FHAD1: variants seen among roughly 807,000 people sequenced by gnomAD.
FHAD1 encodes the protein forkhead associated phosphopeptide binding domain 1.
A neutral mutation model predicts 191.3 loss-of-function variants in FHAD1; 146 were observed. That is an observed-to-expected ratio of 0.76 (90% CI 0.67 to 0.88). FHAD1 has a LOEUF of 0.88. Ranked by LOEUF, FHAD1 falls within the 40% of genes least tolerant of loss-of-function variation. FHAD1 has a pLI of 0.00. For synonymous variants in FHAD1, 616 were observed against 672.3 expected, an observed-to-expected ratio of 0.92 and a Z score of 1.29; for missense variants, 1,635 against 1,785.8, an observed-to-expected ratio of 0.92 and a Z score of 1.52.
intron 14 of FHAD1, among the ~76,000 whole-genome samples, chr1:15,337,403 C>T (rs138999315): frequency 4.6e-5 from 7 of 152,330 alleles, no homozygotes; most frequent in African/African-American, 1.7e-4. Flanking sequence ...CTCTCATCCT[C>T]ACTTCTCCCA....
upstream of FHAD1, among the ~76,000 whole-genome samples, chr1:15,242,949 G>A (rs1281578910): frequency 6.6e-6 from 1 of 152,170 alleles, no homozygotes; most frequent in East Asian, 1.9e-4. Context: ...TTTTACAGGT[G>A]AGGGAAGTGA....
chr1:15,370,739 G>A (rs996276608), intron 26 of FHAD1, among the ~76,000 whole-genome samples: 5 of 152,150 alleles, frequency 3.3e-5, no homozygotes, highest in African/African-American at 2.4e-5. Context: ...CCGATGATCC[G>A]CAGCATGCAA....
upstream of FHAD1, among the ~76,000 whole-genome samples, chr1:15,246,875 C>T (rs879728620): frequency 3.3e-5 from 5 of 152,098 alleles, no homozygotes; most frequent in African/African-American, 4.8e-5. Flanking sequence ...TTGGGTAGGG[C>T]AGGGGGCATA....
chr1:15,398,258 C>T lies in FHAD1; in HGVS notation c.*845C>T. 7.8e-6 allele frequency: 1 copy of T among 128,284 alleles called. No individual in the cohort carries two copies. Among genetic ancestry groups the T allele is most frequent in the Admixed American group, 9.0e-5 (1 of 11,088 alleles). The allele number at this position is 128,284 out of a possible 1,614,324, so 7.9% of individuals were successfully genotyped here. A position where few individuals can be genotyped will look rare whatever the true frequency, so the allele number is the denominator to read the frequency against. On this transcript the variant is annotated 3_prime_UTR_variant, in exon 34 of 34. Transcript: ENST00000688493. ...CACAACTGCACTCTAGCCTGAGTGA[C>T]AGAGCAAGACTCCATCTCAAAAAAA... is the stretch of plus-strand genomic sequence containing the variant.
Position 15,289,324 on chromosome 1 carries a change from G to C in FHAD1, c.301-75G>C. 6.7e-7 allele frequency: 1 copy of C among 1,499,158 alleles called. No individual in the cohort carries two copies. Among genetic ancestry groups the C allele is most frequent in the African/African-American group, 1.4e-5 (1 of 72,018 alleles). 92.9% of individuals were successfully genotyped at this position (1,499,158 alleles called of 1,614,324 possible). A position where few individuals can be genotyped will look rare whatever the true frequency, so the allele number is the denominator to read the frequency against. On this transcript the variant is annotated intron_variant, in intron 3 of 33. Coordinates refer to ENST00000688493, the MANE Select transcript of FHAD1 (RefSeq NM_001391957.1). The surrounding 1 kb of genome is among the most constrained non-coding windows in gnomAD (Gnocchi z 4.2). ...ATAAACCAAGACCTTGGGCAGCAAT[G>C]CTGTGGCTGGGACAAAGAAATGGAG...
chr1:15,357,088 G>A (rs1693048906), intron 20 of FHAD1, among the ~76,000 whole-genome samples: 1 of 152,112 alleles, frequency 6.6e-6, no homozygotes, highest in African/African-American at 2.4e-5. Flanking sequence ...TCCCTAAAGT[G>A]GAGTTGCTGA....
In FHAD1 at chr1:15,276,599, A is replaced by G. The variant is rs760637484; in HGVS notation, c.300+4070A>G. ...GAGGATCGCTTGAGGCCAGGAGTTC[A>G]AGACCAGCCTGGCCAACATAGTGAA... is the stretch of plus-strand genomic sequence containing the variant. On this transcript the variant is annotated intron_variant, in intron 3 of 33. Transcript: ENST00000688493. This position sits in a 1 kb window ranked among gnomAD's most constrained non-coding sequence, Gnocchi z 4.7. 7.2e-5 allele frequency among the ~76,000 whole-genome samples: 11 copies of G among 152,160 alleles called. No homozygotes were observed. Among genetic ancestry groups the G allele is most frequent in the Non-Finnish European group, 1.5e-4 (10 of 68,014 alleles).
At chr1:15,393,637 C>G (rs1177923406) in intron 33 of FHAD1, among the ~76,000 whole-genome samples, 2 of 150,892 alleles carry the variant, frequency 1.3e-5, no homozygotes, top group Admixed American at 1.3e-4. Flanking sequence ...GTGTCTTGCT[C>G]TGTGGTCCAG....
intron 2 of FHAD1, among the ~76,000 whole-genome samples, chr1:15,270,675 G>C (rs964248605): frequency 4.6e-5 from 7 of 152,190 alleles, no homozygotes. Context: ...AGGGCACCCT[G>C]AGAAGATAAA....
downstream of FHAD1, among the ~76,000 whole-genome samples, chr1:15,398,731 C>T (rs1258454656): frequency 6.6e-6 from 1 of 151,842 alleles, no homozygotes; most frequent in Non-Finnish European, 1.5e-5. Flanking sequence ...CCAAGTTCTG[C>T]CTTCTCTCCA....
At position 15,328,442 on chromosome 1, in the gene FHAD1, T is replaced by G. The variant is rs72864874; in HGVS notation, c.1710+13T>G. 3.9e-4 allele frequency: 562 copies of G among 1,458,500 alleles called. 4 individuals carry two copies. The African/African-American group carries it at 7.1e-3, about 19-fold the overall frequency. The allele number at this position is 1,458,500 out of a possible 1,614,324, so 90.3% of individuals were successfully genotyped here. The stretch of plus-strand genomic sequence containing the variant: ...GGACAGCTGCCAGGTGGCCCCTCCT[T>G]ACGCTTTCCACAAATGGTCTCTTTG... On this transcript the variant is annotated intron_variant, in intron 13 of 33. Coordinates refer to ENST00000688493, the MANE Select transcript of FHAD1 (RefSeq NM_001391957.1).
chr1:15,263,345 G>A (rs1229927789), intron 2 of FHAD1, among the ~76,000 whole-genome samples: 1 of 151,792 alleles, frequency 6.6e-6, no homozygotes, highest in Non-Finnish European at 1.5e-5. Context: ...TGTTGCCTGT[G>A]TTCTTGGTGT....
chr1:15,325,851 GCTCCCT>G lies in FHAD1; in HGVS notation c.1474-1207_1474-1202del, dbSNP rs1678330530. ...CCCTCTCCTGTATCTCCAAGGCCCT[GCTCCCT>G]GTCCAATAGTCTGCCCTTCCCCAGC... On this transcript the variant is annotated intron_variant, in intron 11 of 33. Transcript: ENST00000688493. This position sits in a 1 kb window ranked among gnomAD's most constrained non-coding sequence, Gnocchi z 4.6. The G allele has an allele frequency of 6.5e-6, 1 of 152,986 alleles. No homozygotes were observed. Among genetic ancestry groups the G allele is most frequent in the Non-Finnish European group, 1.5e-5 (1 of 68,656 alleles). 9.5% of individuals were successfully genotyped at this position (152,986 alleles called of 1,614,324 possible).
chr1:15,294,335 G>C (rs999995084), intron 4 of FHAD1, among the ~76,000 whole-genome samples: 6 of 152,178 alleles, frequency 3.9e-5, no homozygotes, highest in Admixed American at 2.0e-4. Flanking sequence ...TCTAGGTCAG[G>C]GTTTCTCAAT....
chr1:15,373,547 G>A (rs878993360), intron 26 of FHAD1, among the ~76,000 whole-genome samples: 3 of 151,104 alleles, frequency 2.0e-5, no homozygotes, highest in Admixed American at 6.6e-5. Context: ...TTCTTTGTCT[G>A]TGCTCTTAGT....
intron 31 of FHAD1, chr1:15,383,183 G>T (rs1371538512): frequency 2.1e-6 from 1 of 471,594 alleles, no homozygotes; most frequent in Admixed American, 2.3e-5. Flanking sequence ...CCCCTGCCTC[G>T]CAGACAGATG....
intron 4 of FHAD1, among the ~76,000 whole-genome samples, chr1:15,293,835 GTTTC>G (rs199699835): frequency 0.012 from 1,782 of 152,340 alleles, 10 homozygotes; most frequent in African/African-American, 0.015. Context: ...CACAGATGCT[GTTTC>G]TTTCTTTTTT....
rs74581971 is a variant in FHAD1 at position 15,267,536 on chromosome 1, C to T, written c.94-4787C>T. On this transcript the variant is annotated intron_variant, in intron 2 of 33. Coordinates refer to ENST00000688493, the MANE Select transcript of FHAD1 (RefSeq NM_001391957.1). ...AGATTGTAGGGAGCTGGTATCATTT[C>T]TTCCTTAAATGTCTGATAGAATTCA... Among the ~76,000 whole-genome samples the T allele has an allele frequency of 6.1e-3, 932 of 152,146 alleles. 44 individuals are homozygous for T. The East Asian group carries it at 0.096, about 16-fold the overall frequency.
At chr1:15,305,753 G>A (rs370253965) in intron 6 of FHAD1, 346 of 447,446 alleles carry the variant, frequency 7.7e-4, no homozygotes, top group African/African-American at 5.3e-3. Flanking sequence ...TTCTCTTGCC[G>A]CCGCCATGTA....
Sources: gnomAD v4.1 joint callset for allele counts (sites outside exome capture counted in the v4.1 genomes callset) on GRCh38, gnomAD v4.1.1 for gene constraint, Gnocchi (gnomAD v3.1) non-coding constraint, MANE v1.5 for transcripts, NCBI Gene and HGNC (gene_info 2026-07-23, HGNC 2026-07-21) for gene names.